Variants in GRID2 observed in about 807,000 individuals in gnomAD.
The protein encoded by GRID2 is glutamate receptor ionotropic, delta-2.
GRID2 carries 33 observed loss-of-function variants against 114.8 expected under a neutral mutation model. The ratio of observed to expected loss-of-function variants is 0.29; its 90% confidence interval spans 0.22 to 0.38. The LOEUF is 0.38. Among genes scored for constraint, GRID2 ranks in the 10% least tolerant of loss-of-function variants. The probability of loss-of-function intolerance (pLI) is 1.00; values close to 1 mark genes in which losing one functional copy is unlikely to be tolerated. For missense variants in GRID2, 1,184 were observed against 1,257.7 expected, an observed-to-expected ratio of 0.94 and a Z score of 0.89; for synonymous variants, 505 against 449.9, an observed-to-expected ratio of 1.12 and a Z score of -1.55.
chr4:92,949,226 A>G (rs765713726), intron 2 of GRID2, among the ~76,000 whole-genome samples: 3 of 151,960 alleles, frequency 2.0e-5, no homozygotes, highest in African/African-American at 7.2e-5. Flanking sequence ...GAGATGGGAT[A>G]GATTAAATGG....
Position 92,409,132 on chromosome 4 carries a change from A to G in GRID2, c.88+104388A>G, listed in dbSNP as rs1375278388. Among the ~76,000 whole-genome samples the G allele has an allele frequency of 3.9e-5, 6 of 152,110 alleles. No individual in the cohort carries two copies. The South Asian group carries it at 1.2e-3, about 32-fold the overall frequency. Reference sequence around the variant, plus strand: ...TCATATATGGCTCTTATTATTTTGAATTATGTTCCTTCGATGCCTAGTTGG... The same window carrying G: ...TCATATATGGCTCTTATTATTTTGAGTTATGTTCCTTCGATGCCTAGTTGG... On this transcript the variant is annotated intron_variant, in intron 1 of 15. Coordinates refer to ENST00000282020, the MANE Select transcript of GRID2 (RefSeq NM_001510.4).
rs766339830 is a variant in GRID2, at chr4:93,216,734, A to G, written c.790-4A>G. 12 of 1,590,768 alleles carry G rather than the reference A, an allele frequency of 7.5e-6. No individual in the cohort carries two copies. The highest frequency in any genetic ancestry group is 3.3e-5 in the Admixed American group (2 of 59,804). On this transcript the variant is annotated splice_polypyrimidine_tract_variant and splice_region_variant and intron_variant, in intron 5 of 15. Transcript: ENST00000282020. ...CTCTAATTCTTCCACCTCTTATCTT[A>G]TAGGAAATAAACGATGTGGACGTAC...
chr4:92,313,894 A>G (rs1725833053), intron 1 of GRID2, among the ~76,000 whole-genome samples: 1 of 152,048 alleles, frequency 6.6e-6, no homozygotes, highest in South Asian at 2.1e-4. Context: ...TGTCATAAGA[A>G]AGTGGTAAGG....
intron 13 of GRID2, among the ~76,000 whole-genome samples, chr4:93,583,401 G>T (rs558324391): frequency 6.6e-6 from 1 of 152,166 alleles, no homozygotes; most frequent in East Asian, 1.9e-4. Flanking sequence ...CGGTGCTGTG[G>T]ACGTTTTTTT....
chr4:93,446,350 G>A (rs1232754838), intron 10 of GRID2, among the ~76,000 whole-genome samples: 2 of 151,998 alleles, frequency 1.3e-5, no homozygotes, highest in Non-Finnish European at 2.9e-5. Flanking sequence ...AAAGGATAGG[G>A]AAATAGACTG....
At chr4:93,608,057 TAC>T (rs1553964029) in intron 13 of GRID2, among the ~76,000 whole-genome samples, 20 of 148,900 alleles carry the variant, frequency 1.3e-4, no homozygotes, top group African/African-American at 4.4e-4. Context: ...TATATATATA[TAC>T]GTATATAAGT....
At chr4:93,599,405 G>C (rs1192046080) in intron 13 of GRID2, among the ~76,000 whole-genome samples, 1 of 152,186 alleles carries the variant, frequency 6.6e-6, no homozygotes, top group Non-Finnish European at 1.5e-5. Context: ...CAAGTAAATT[G>C]TAGGCATTTC....
At chr4:93,218,065 G>C (rs1208927551) in intron 6 of GRID2, among the ~76,000 whole-genome samples, 1 of 151,526 alleles carries the variant, frequency 6.6e-6, no homozygotes, top group Non-Finnish European at 1.5e-5. Context: ...CCTATCCTTA[G>C]TCACCTTTGA....
Position 92,893,836 on chromosome 4 carries a change from G to A in GRID2, c.245-191159G>A, listed in dbSNP as rs537922363. 6.6e-5 allele frequency among the ~76,000 whole-genome samples: 10 copies of A among 152,134 alleles called. No individual in the cohort carries two copies. The South Asian group carries it at 8.3e-4, about 13-fold the overall frequency. On this transcript the variant is annotated intron_variant, in intron 2 of 15. Coordinates refer to ENST00000282020, the MANE Select transcript of GRID2 (RefSeq NM_001510.4). ...AGTTGAAATGCAGATAATATGTTTC[G>A]GGATAATGTAGAGTTGATGATGTGT...
intron 2 of GRID2, among the ~76,000 whole-genome samples, chr4:92,920,353 A>G (rs944462675): frequency 7.9e-5 from 12 of 152,062 alleles, no homozygotes; most frequent in African/African-American, 2.7e-4. Flanking sequence ...TTACATTTAA[A>G]ATTCATATTG....
At chr4:93,288,221 T>G (rs1753380674) in intron 8 of GRID2, among the ~76,000 whole-genome samples, 1 of 152,200 alleles carries the variant, frequency 6.6e-6, no homozygotes, top group African/African-American at 2.4e-5. Context: ...CAGCTTGAAA[T>G]TATCATTGTT....
downstream of GRID2, among the ~76,000 whole-genome samples, chr4:93,775,552 G>C (rs1734352621): frequency 1.3e-5 from 2 of 152,150 alleles, no homozygotes; most frequent in Non-Finnish European, 2.9e-5. Flanking sequence ...GCAAAACTAA[G>C]GTCGGTTCCT....
chr4:93,136,807 C>G (rs981265611), intron 4 of GRID2, among the ~76,000 whole-genome samples: 1 of 151,936 alleles, frequency 6.6e-6, no homozygotes, highest in Non-Finnish European at 1.5e-5. Flanking sequence ...CACAACTGAC[C>G]AAGACATCAG....
At chr4:92,686,760 A>G (rs1733926717) in intron 2 of GRID2, among the ~76,000 whole-genome samples, 1 of 152,036 alleles carries the variant, frequency 6.6e-6, no homozygotes, top group African/African-American at 2.4e-5. Flanking sequence ...AAAAATTAGC[A>G]ATGTTATTTC....
intron 8 of GRID2, among the ~76,000 whole-genome samples, chr4:93,341,570 A>G (rs1021435629): frequency 2.0e-5 from 3 of 152,162 alleles, no homozygotes; most frequent in Non-Finnish European, 4.4e-5. Context: ...TGATCCACCC[A>G]TTCTCAGCCT....
chr4:93,217,035 A>G, intron 6 of GRID2, 124 bp downstream of exon 6: 2 of 636,540 alleles, frequency 3.1e-6, no homozygotes, highest in Non-Finnish European at 5.5e-6. Flanking sequence ...TCCTCCAGCA[A>G]TTTCATAAGT....
rs369173937 is a variant in GRID2 at position 93,555,063 on chromosome 4, G to A, written c.2193+39652G>A. Among the ~76,000 whole-genome samples, 45 of 152,190 alleles carry A rather than the reference G, an allele frequency of 3.0e-4. No homozygotes were observed. In the East Asian group the frequency reaches 5.8e-3, roughly 20 times the overall value. On this transcript the variant is annotated intron_variant, in intron 13 of 15. Coordinates refer to ENST00000282020, the MANE Select transcript of GRID2 (RefSeq NM_001510.4). ...TTTGAGGGACTGTGCCATAAAGAAC[G>A]GTGCACTGTGGCCCAGATACTATGC...
At chr4:92,806,747 C>T (rs973927520) in intron 2 of GRID2, among the ~76,000 whole-genome samples, 2 of 151,856 alleles carry the variant, frequency 1.3e-5, no homozygotes, top group African/African-American at 4.8e-5. Context: ...ACTTTCAAAA[C>T]TTCTGCAAAT....
intron 2 of GRID2, among the ~76,000 whole-genome samples, chr4:92,627,402 A>C (rs2149243467): frequency 6.6e-6 from 1 of 152,222 alleles, no homozygotes; most frequent in South Asian, 2.1e-4. Context: ...ACATAACTTA[A>C]AATGTAGGTG....
Sources: gnomAD v4.1 joint callset for allele counts (sites outside exome capture counted in the v4.1 genomes callset) on GRCh38, gnomAD v4.1.1 for gene constraint, MANE v1.5 for transcripts, NCBI Gene and HGNC (gene_info 2026-07-23, HGNC 2026-07-21) for gene names.